The following LRP1B variants were observed in gnomAD, a reference collection of about 807,000 sequenced individuals.
LRP1B encodes low-density lipoprotein receptor-related protein 1B.
A neutral mutation model predicts 556.6 loss-of-function variants in LRP1B; 217 were observed. The ratio of observed to expected loss-of-function variants is 0.39; its 90% CI spans 0.35 to 0.44. The LOEUF (loss-of-function observed/expected upper bound fraction) is 0.44, where lower values mean the gene tolerates loss of function less well. Ranked by LOEUF, LRP1B falls within the 20% of genes least tolerant of loss-of-function variation. LRP1B has a pLI of 1.00. For synonymous variants in LRP1B, 2,047 were observed against 1,865.8 expected, an observed-to-expected ratio of 1.10 and a Z score of -2.50; for missense variants, 5,053 against 5,620.8, an observed-to-expected ratio of 0.90 and a Z score of 3.23.
At chr2:141,040,404 T>A (rs902008173) in intron 11 of LRP1B, among the ~76,000 whole-genome samples, 2 of 152,002 alleles carry the variant, frequency 1.3e-5, no homozygotes, top group African/African-American at 4.8e-5. Flanking sequence ...TTATGAGAAA[T>A]CCTGCCAAAG....
At chr2:142,021,088 A>T (rs1350633987) in intron 1 of LRP1B, among the ~76,000 whole-genome samples, 1 of 152,216 alleles carries the variant, frequency 6.6e-6, no homozygotes, top group Non-Finnish European at 1.5e-5. Flanking sequence ...CAAACTTCTG[A>T]CAATGCAGAG....
Position 141,019,902 on chromosome 2 carries a change from G to A in LRP1B, c.1970+20C>T, listed in dbSNP as rs1558804610. ...TCTATTATCATTTTTCTTATATAAA[G>A]CTAGTCAAATATTGCATACCCATTA... On this transcript the variant is annotated intron_variant, in intron 12 of 90. Transcript: ENST00000389484. The A allele has an allele frequency of 4.7e-6, 7 of 1,489,830 alleles. No individual in the cohort carries two copies. Among genetic ancestry groups the A allele is most frequent in the Non-Finnish European group, 4.5e-6 (5 of 1,107,508 alleles). 92.3% of individuals were successfully genotyped at this position (1,489,830 alleles called of 1,614,324 possible). A position where few individuals can be genotyped will look rare whatever the true frequency, so the allele number is the denominator to read the frequency against.
At chr2:141,153,288 T>C (rs1384285064) in intron 7 of LRP1B, among the ~76,000 whole-genome samples, 1 of 128,408 alleles carries the variant, frequency 7.8e-6, no homozygotes, top group Non-Finnish European at 1.6e-5. Flanking sequence ...AAGCTATATA[T>C]ATTTATATAT....
intron 66 of LRP1B, among the ~76,000 whole-genome samples, chr2:140,413,345 A>G (rs11888719): frequency 0.037 from 5,622 of 152,256 alleles, 325 homozygotes; most frequent in African/African-American, 0.13. Context: ...TTCTCTGCCA[A>G]TGTTTAATAA....
At position 140,950,160 on chromosome 2, in the gene LRP1B, C is replaced by A. The variant is rs1573913228; in HGVS notation, c.3136+75G>T. The A allele has an allele frequency of 6.4e-6, 7 of 1,088,756 alleles. No homozygotes were observed. The African/African-American group carries it at 6.5e-5, about 10-fold the overall frequency. The allele number at this position is 1,088,756 out of a possible 1,614,324, so 67.4% of individuals were successfully genotyped here. A position where few individuals can be genotyped will look rare whatever the true frequency, so the allele number is the denominator to read the frequency against. On this transcript the variant is annotated intron_variant, in intron 20 of 90. Transcript: ENST00000389484. ...AAGCAATTTCTTTTTATACAATATT[C>A]TCTCTGTAATACCCTAAGTATTATT...
rs1268220628 is a variant in LRP1B, at chr2:141,708,393, A to G, written c.205+101886T>C. On this transcript the variant is annotated intron_variant, in intron 2 of 90. Transcript: ENST00000389484. ...CAGGGGTCAAATGAGCAGCAGACAG[A>G]GTTGGTTTTTCCCTTTAGGAATAGG... 2.0e-5 allele frequency among the ~76,000 whole-genome samples: 3 copies of G among 152,194 alleles called. No individual in the cohort carries two copies. In the East Asian group the frequency reaches 5.8e-4, roughly 29 times the overall value.
intron 27 of LRP1B, among the ~76,000 whole-genome samples, chr2:140,861,959 C>T (rs1692810892): frequency 6.6e-6 from 1 of 152,174 alleles, no homozygotes; most frequent in South Asian, 2.1e-4. Flanking sequence ...GAGCATTCTT[C>T]TTTGCCTTCC....
At chr2:141,670,859 ACT>A (rs765241388) in intron 2 of LRP1B, among the ~76,000 whole-genome samples, 32 of 151,744 alleles carry the variant, frequency 2.1e-4, no homozygotes, top group Non-Finnish European at 4.6e-4. Context: ...TCTGCTTAAA[ACT>A]CTGTCTGAGA....
intron 7 of LRP1B, among the ~76,000 whole-genome samples, chr2:141,151,347 C>CA (rs1490028782): frequency 1.3e-5 from 2 of 151,780 alleles, no homozygotes; most frequent in African/African-American, 2.4e-5. Context: ...CTTCATTGGC[C>CA]AAAAAAAGCC....
chr2:141,350,249 T>C (rs1688397342), intron 3 of LRP1B, among the ~76,000 whole-genome samples: 1 of 151,914 alleles, frequency 6.6e-6, no homozygotes, highest in East Asian at 1.9e-4. Flanking sequence ...AAAGTTGTTT[T>C]GGAATATGAA....
chr2:140,538,905 T>C (rs900596993), intron 45 of LRP1B, among the ~76,000 whole-genome samples: 4 of 152,132 alleles, frequency 2.6e-5, no homozygotes, highest in African/African-American at 9.6e-5. Context: ...TATTCAAAGA[T>C]AAATATGTTT....
At chr2:141,078,451 C>G (rs1453729253) in intron 7 of LRP1B, among the ~76,000 whole-genome samples, 1 of 152,126 alleles carries the variant, frequency 6.6e-6, no homozygotes, top group African/African-American at 2.4e-5. Context: ...CCTGTGGCAT[C>G]TAATACATTA....
chr2:141,189,787 G>A (rs959608936), intron 6 of LRP1B, among the ~76,000 whole-genome samples: 1 of 151,898 alleles, frequency 6.6e-6, no homozygotes, highest in African/African-American at 2.4e-5. Context: ...GACATAGGTA[G>A]CTAGTGACTA....
At chr2:140,839,940 G>A (rs1393240538) in intron 31 of LRP1B, 51 bp downstream of exon 31, 4 of 1,064,540 alleles carry the variant, frequency 3.8e-6, no homozygotes, top group Admixed American at 3.8e-5. Flanking sequence ...TATTGTACAA[G>A]TACAGGTTTG....
chr2:140,818,447 C>T, intron 31 of LRP1B, among the ~76,000 whole-genome samples: 1 of 151,986 alleles, frequency 6.6e-6, no homozygotes. Context: ...TTCTAAATAC[C>T]CCAAAATGAA....
At chr2:140,633,266 T>A (rs1345258473) in intron 41 of LRP1B, among the ~76,000 whole-genome samples, 1 of 147,944 alleles carries the variant, frequency 6.8e-6, no homozygotes, top group Admixed American at 6.8e-5. Flanking sequence ...CAAAAATATT[T>A]AGAGTAAATA....
At chr2:141,870,570 T>C in intron 1 of LRP1B, among the ~76,000 whole-genome samples, 2 of 152,126 alleles carry the variant, frequency 1.3e-5, no homozygotes, top group Admixed American at 1.3e-4. Context: ...TTTTAAAATA[T>C]ATGAATGTAG....
At chr2:141,082,582 G>A (rs2104887727) in intron 7 of LRP1B, among the ~76,000 whole-genome samples, 1 of 152,310 alleles carries the variant, frequency 6.6e-6, no homozygotes, top group African/African-American at 2.4e-5. Context: ...TCTTATCGTG[G>A]AGAATTTGTT....
In LRP1B at chr2:140,315,098, A is replaced by G; in HGVS notation, c.12642T>C (p.Asp4214=). The change falls in exon 83 of 91, where the codon GAT becomes GAC. Residue 4214 remains aspartate, a splice_region_variant and synonymous_variant. Coordinates refer to ENST00000389484, the MANE Select transcript of LRP1B (RefSeq NM_018557.3). ...TTTCACAAGTTAACTTACATGAATC[A>G]TCTGTTTATGAGAAGAAATGTACAA... ...NGTCNDDSLL[D]DSCKLTCENG... is the part of the protein sequence containing the mutation. The G allele has an allele frequency of 6.2e-7, 1 of 1,600,052 alleles. No homozygotes were observed. Among genetic ancestry groups the G allele is most frequent in the South Asian group, 1.1e-5 (1 of 88,542 alleles).
Sources: allele counts gnomAD v4.1 joint callset (sites outside exome capture counted in the v4.1 genomes callset), GRCh38; gene constraint gnomAD v4.1.1; transcripts MANE v1.5; gene names NCBI Gene and HGNC (gene_info 2026-07-23, HGNC 2026-07-21).